Variants in ST7 observed in about 807,000 individuals in gnomAD.
The protein encoded by ST7 is suppressor of tumorigenicity 7 protein.
In ST7, 28 loss-of-function variants were observed where a neutral mutation model predicts 78.7. The observed-to-expected ratio is 0.36, with a 90% CI of 0.26 to 0.49. ST7 has a LOEUF of 0.49. Ranked by LOEUF, ST7 falls within the 20% of genes least tolerant of loss-of-function variation. ST7 has a pLI of 0.99. For synonymous variants in ST7, 247 were observed against 249.6 expected (o/e 0.99, Z 0.10); for missense variants, 418 against 696.0 (o/e 0.60, Z 4.49).
At chr7:117,217,002 A>G (rs1792740188) in intron 13 of ST7, among the ~76,000 whole-genome samples, 1 of 152,178 alleles carries the variant, frequency 6.6e-6, no homozygotes, top group Non-Finnish European at 1.5e-5. Flanking sequence ...ACAAAATTCT[A>G]TATGCATGCC....
intron 1 of ST7, among the ~76,000 whole-genome samples, chr7:116,959,997 T>C (rs949098378): frequency 2.6e-5 from 4 of 152,224 alleles, no homozygotes; most frequent in Admixed American, 1.3e-4. Context: ...CTCTTAATAC[T>C]TAGTGAATAC....
intron 9 of ST7, among the ~76,000 whole-genome samples, chr7:117,158,187 G>A (rs1806854711): frequency 6.6e-6 from 1 of 152,238 alleles, no homozygotes; most frequent in African/African-American, 2.4e-5. Context: ...GCAGGTAGAA[G>A]TGGAGGACAA....
chr7:117,084,558 A>G (rs977321905), intron 1 of ST7, among the ~76,000 whole-genome samples: 1 of 152,198 alleles, frequency 6.6e-6, no homozygotes, highest in Non-Finnish European at 1.5e-5. Context: ...GCCACTGTCT[A>G]TCTGCGTGAC....
chr7:117,130,066 G>C (rs1440925964), intron 4 of ST7, among the ~76,000 whole-genome samples: 2 of 151,832 alleles, frequency 1.3e-5, no homozygotes, highest in Non-Finnish European at 2.9e-5. Flanking sequence ...TAGAGTTTTT[G>C]TATTAACAGT....
chr7:117,133,983 G>A (rs757161860), intron 6 of ST7, 141 bp from the exon 7 acceptor site: 37 of 1,099,832 alleles, frequency 3.4e-5, no homozygotes, highest in Non-Finnish European at 4.4e-5. Context: ...TCATGCCATT[G>A]AATCATGCCT....
chr7:117,168,958 G>T (rs1238720885), intron 9 of ST7, among the ~76,000 whole-genome samples: 1 of 152,166 alleles, frequency 6.6e-6, no homozygotes, highest in Non-Finnish European at 1.5e-5. Flanking sequence ...TTTAGAGGTT[G>T]TTATGTTATA....
intron 1 of ST7, among the ~76,000 whole-genome samples, chr7:116,985,122 T>A (rs1794136968): frequency 6.6e-6 from 1 of 152,186 alleles, no homozygotes; most frequent in Admixed American, 6.5e-5. Context: ...GTATTGATAC[T>A]CATGTTCACC....
chr7:117,032,254 A>G (rs1173943238), intron 1 of ST7, among the ~76,000 whole-genome samples: 1 of 152,112 alleles, frequency 6.6e-6, no homozygotes, highest in Non-Finnish European at 1.5e-5. Flanking sequence ...TGTTTATGTA[A>G]ATGCTACTTT....
chr7:117,080,642 A>G (rs903799071), intron 1 of ST7, among the ~76,000 whole-genome samples: 2 of 152,224 alleles, frequency 1.3e-5, no homozygotes, highest in Admixed American at 6.5e-5. Context: ...ATTCACATGT[A>G]TGAACTTATG....
intron 1 of ST7, among the ~76,000 whole-genome samples, chr7:116,971,292 TTA>T (rs1448014146): frequency 6.6e-6 from 1 of 152,204 alleles, no homozygotes; most frequent in Non-Finnish European, 1.5e-5. Flanking sequence ...GATGGCACTT[TTA>T]GAGACAGCAG....
chr7:117,207,772 T>G (rs1791913646), intron 12 of ST7, among the ~76,000 whole-genome samples: 1 of 152,184 alleles, frequency 6.6e-6, no homozygotes, highest in Non-Finnish European at 1.5e-5. Context: ...CTATGAATAA[T>G]TAGAAAGTCA....
At chr7:116,997,364 T>C (rs1296718097) in intron 1 of ST7, among the ~76,000 whole-genome samples, 2 of 152,174 alleles carry the variant, frequency 1.3e-5, no homozygotes, top group East Asian at 1.9e-4. Context: ...TACAGAGAGC[T>C]GATTGGTCTG....
intron 10 of ST7, chr7:117,182,572 A>C (rs1311378007): frequency 6.6e-6 from 1 of 152,156 alleles, no homozygotes; most frequent in Admixed American, 6.6e-5. Context: ...AAAAGACCTG[A>C]CTTTAGCTGA....
chr7:117,164,176 C>T (rs988717392), intron 9 of ST7, among the ~76,000 whole-genome samples: 1 of 152,098 alleles, frequency 6.6e-6, no homozygotes, highest in African/African-American at 2.4e-5. Flanking sequence ...ATAAAGAAGC[C>T]AGAAATTCAT....
intron 1 of ST7, among the ~76,000 whole-genome samples, chr7:117,012,694 A>C (rs1314153154): frequency 6.6e-6 from 1 of 152,138 alleles, no homozygotes; most frequent in Admixed American, 6.5e-5. Flanking sequence ...AAACTTGCTT[A>C]ATTAAGATAA....
At chr7:116,973,872 C>G (rs1234105221) in intron 1 of ST7, among the ~76,000 whole-genome samples, 4 of 152,022 alleles carry the variant, frequency 2.6e-5, no homozygotes, top group African/African-American at 7.3e-5. Context: ...ATCCATTTTA[C>G]CATAAATAGG....
At chr7:117,056,716 A>C (rs1798082157) in intron 1 of ST7, among the ~76,000 whole-genome samples, 2 of 152,178 alleles carry the variant, frequency 1.3e-5, no homozygotes, top group Admixed American at 6.5e-5. Flanking sequence ...TCTTACACAA[A>C]ATCTTTACAC....
chr7:117,029,641 C>T (rs11762032), intron 1 of ST7, among the ~76,000 whole-genome samples: 22,856 of 151,840 alleles, frequency 0.15, 2,196 homozygotes, highest in South Asian at 0.23. Flanking sequence ...GTTATTGTCA[C>T]GAATATTTTT....
At chr7:117,088,713 CT>C (rs1246430556) in intron 1 of ST7, among the ~76,000 whole-genome samples, 3 of 152,152 alleles carry the variant, frequency 2.0e-5, no homozygotes, top group Non-Finnish European at 2.9e-5. Flanking sequence ...ACAAATTCCC[CT>C]TAAGATAATG....
Sources: allele counts gnomAD v4.1 joint callset (sites outside exome capture counted in the v4.1 genomes callset), GRCh38; gene constraint gnomAD v4.1.1; transcripts MANE v1.5; gene names NCBI Gene and HGNC (gene_info 2026-07-23, HGNC 2026-07-21).